Variants in SYCP2L observed in about 807,000 individuals in gnomAD.
SYCP2L encodes synaptonemal complex protein 2 like, also known as synaptonemal complex protein 2-like.
Under a neutral mutation model 125.8 loss-of-function variants are expected in SYCP2L, and 98 were observed. That is an observed-to-expected ratio of 0.78 (90% CI 0.66 to 0.92). The LOEUF is 0.92. Ranked by LOEUF, SYCP2L falls within the 40% of genes least tolerant of loss-of-function variation. SYCP2L has a pLI of 0.00. For missense variants in SYCP2L, 842 were observed against 936.4 expected (o/e 0.90, Z 1.32); for synonymous variants, 317 against 325.4 (o/e 0.97, Z 0.28).
chr6:10,894,271 CTAGTT>C lies in SYCP2L; in HGVS notation c.336+68_336+72del, dbSNP rs1200365552. 7.7e-6 allele frequency: 12 copies of C among 1,553,828 alleles called. No individual in the cohort carries two copies. The African/African-American group carries it at 1.7e-4, about 22-fold the overall frequency. ...AGAGAACTTAGGTGGATTTAGTTGT[CTAGTT>C]AAGTTTGGTATTTTCTGTTCCTTTG... On this transcript the variant is annotated intron_variant, in intron 4 of 29. Coordinates refer to ENST00000283141, the MANE Select transcript of SYCP2L (RefSeq NM_001040274.3).
rs971289648 is a variant in SYCP2L at position 10,912,409 on chromosome 6, A to G, written c.919-264A>G. Among the ~76,000 whole-genome samples the G allele has an allele frequency of 6.6e-6, 1 of 152,182 alleles. No individual in the cohort carries two copies. Among genetic ancestry groups the G allele is most frequent in the Non-Finnish European group, 1.5e-5 (1 of 68,028 alleles). On this transcript the variant is annotated intron_variant, in intron 12 of 29. Transcript: ENST00000283141. The surrounding 1 kb of genome is among the most constrained non-coding windows in gnomAD (Gnocchi z 4.1). ...TTTCATTAGAAAAAAAATTGTGTGGATAGAATAATGTGACACATTTAAATA... is the reference window on the plus strand; with the variant it reads ...TTTCATTAGAAAAAAAATTGTGTGGGTAGAATAATGTGACACATTTAAATA...
intron 23 of SYCP2L, among the ~76,000 whole-genome samples, chr6:10,953,371 C>G (rs780490283): frequency 3.9e-5 from 6 of 152,052 alleles, no homozygotes; most frequent in African/African-American, 1.4e-4. Flanking sequence ...CTTTTCCTTA[C>G]TTCCTGTTCT....
At chr6:10,960,818 G>A (rs1186122802) in intron 26 of SYCP2L, among the ~76,000 whole-genome samples, 1 of 152,168 alleles carries the variant, frequency 6.6e-6, no homozygotes, top group East Asian at 1.9e-4. Context: ...GCTCACGCCT[G>A]TAATCCCAGC....
At chr6:10,934,493 A>G (rs968534445) in intron 20 of SYCP2L, among the ~76,000 whole-genome samples, 5 of 152,252 alleles carry the variant, frequency 3.3e-5, no homozygotes, top group African/African-American at 1.2e-4. Flanking sequence ...AGCCTGGCCA[A>G]CATGGCGAAA....
rs1159178846 is a variant in SYCP2L, at chr6:10,902,994, A to C, written c.641+31A>C. 2.5e-6 allele frequency: 4 copies of C among 1,573,222 alleles called. No individual in the cohort carries two copies. In the East Asian group the frequency reaches 6.7e-5, roughly 26 times the overall value. ...TGACTTTGTATAAGTTACGTGCTGT[A>C]GTAAGGGTAAAATCTCTCATGAGTG... On this transcript the variant is annotated intron_variant, in intron 8 of 29. Coordinates refer to ENST00000283141, the MANE Select transcript of SYCP2L (RefSeq NM_001040274.3).
chr6:10,938,764 C>T (rs912146360), intron 21 of SYCP2L, among the ~76,000 whole-genome samples: 2 of 151,952 alleles, frequency 1.3e-5, no homozygotes, highest in African/African-American at 4.8e-5. Flanking sequence ...TGGGTTTCAA[C>T]AAAACAAAAC....
At chr6:10,906,956 T>C (rs62395410) in intron 9 of SYCP2L, among the ~76,000 whole-genome samples, 56,099 of 151,996 alleles carry the variant, frequency 0.37, 12,632 homozygotes, top group South Asian at 0.48. Flanking sequence ...TTTTAATATA[T>C]TTAAAATATA....
At chr6:10,895,635 G>GT (rs1780246108) in intron 4 of SYCP2L, among the ~76,000 whole-genome samples, 1 of 151,626 alleles carries the variant, frequency 6.6e-6, no homozygotes, top group African/African-American at 2.4e-5. Flanking sequence ...ACAAAAGGGG[G>GT]GGGTACTATG....
intron 21 of SYCP2L, 25 bp downstream of exon 21, chr6:10,935,212 A>G (rs778298014): frequency 2.5e-6 from 4 of 1,603,296 alleles, no homozygotes; most frequent in South Asian, 2.3e-5. Context: ...GTTGACTTAC[A>G]TAGGAAAAAA....
intron 28 of SYCP2L, among the ~76,000 whole-genome samples, chr6:10,962,801 G>T (rs1190618191): frequency 6.6e-6 from 1 of 152,140 alleles, no homozygotes; most frequent in African/African-American, 2.4e-5. Context: ...CTGGATTCTC[G>T]TATCTGTTTC....
rs576450240 is a variant in SYCP2L at position 10,954,644 on chromosome 6, TGAG to T, written c.1955-467_1955-465del. Among the ~76,000 whole-genome samples the T allele has an allele frequency of 7.9e-4, 120 of 152,286 alleles. No homozygotes were observed. Among genetic ancestry groups the T allele is most frequent in the African/African-American group, 2.7e-3 (114 of 41,576 alleles). On this transcript the variant is annotated intron_variant, in intron 23 of 29. Coordinates refer to ENST00000283141, the MANE Select transcript of SYCP2L (RefSeq NM_001040274.3). This position sits in a 1 kb window ranked among gnomAD's most constrained non-coding sequence, Gnocchi z 4.8. ...GAGTCTCTCAAAATCACTTGAGCTG[TGAG>T]GAGGCAAGATGGCCTCGTTTATGAC...
At chr6:10,926,521 TC>T in intron 16 of SYCP2L, 89 bp downstream of exon 16, 1 of 994,408 alleles carries the variant, frequency 1.0e-6, no homozygotes, top group South Asian at 1.4e-5. Context: ...AAACCTGTGG[TC>T]ATATGAGTGA....
At position 10,927,345 on chromosome 6, in the gene SYCP2L, G is replaced by A. The variant is rs1780915212; in HGVS notation, c.1418G>A (p.Gly473Glu). Residue 473 changes from glycine (G) to glutamate (E), a missense_variant, in exon 17 of 30, where the codon GGG becomes GAG. Transcript: ENST00000283141. ...GACCAATCTGAGCCACCTGTTATTGGGGAACCTGCCTCTGATAGTCACGTA... is the reference window on the plus strand; with the variant it reads ...GACCAATCTGAGCCACCTGTTATTGAGGAACCTGCCTCTGATAGTCACGTA... Reference protein sequence around the residue: ...LNDQSEPPVIGEPASDSHLQP... With the variant: ...LNDQSEPPVIEEPASDSHLQP... 3 of 1,613,708 alleles carry A rather than the reference G, an allele frequency of 1.9e-6. No individual in the cohort carries two copies. Among genetic ancestry groups the A allele is most frequent in the Non-Finnish European group, 2.5e-6 (3 of 1,179,946 alleles).
At chr6:10,951,991 A>C (rs1382584085) in intron 23 of SYCP2L, among the ~76,000 whole-genome samples, 1 of 152,184 alleles carries the variant, frequency 6.6e-6, no homozygotes, top group Non-Finnish European at 1.5e-5. Context: ...GAAATGAAGA[A>C]AGCCGGGTTC....
rs765618883 is a variant in SYCP2L, at chr6:10,912,914, T to C, written c.1059T>C (p.Asn353=). 9 of 1,613,782 alleles carry C rather than the reference T, an allele frequency of 5.6e-6. No homozygotes were observed. In the South Asian group the frequency reaches 8.8e-5, roughly 16 times the overall value. ...SVTLPKEAVM[N]FSITETEKIK... is the part of the protein sequence containing the mutation. ...CACTTCCGAAGGAAGCGGTGATGAA[T>C]TTCAGCATAACAGGTAATATGATAC... The change falls in exon 14 of 30, where the codon AAT becomes AAC. Residue 353 remains asparagine (N), a synonymous_variant. Transcript: ENST00000283141. This position sits in a 1 kb window ranked among gnomAD's most constrained non-coding sequence, Gnocchi z 4.1.
intron 29 of SYCP2L, among the ~76,000 whole-genome samples, chr6:10,966,386 G>A (rs753118115): frequency 5.3e-5 from 8 of 152,082 alleles, no homozygotes; most frequent in East Asian, 1.9e-4. Context: ...TAAAATAGTA[G>A]CGATTAGTTA....
At chr6:10,952,373 G>A (rs184137928) in intron 23 of SYCP2L, among the ~76,000 whole-genome samples, 276 of 152,260 alleles carry the variant, frequency 1.8e-3, no homozygotes, top group Non-Finnish European at 2.5e-3. Flanking sequence ...CCATCCAACT[G>A]GATGATCCCT....
At chr6:10,932,644 G>A (rs1284640011) in intron 20 of SYCP2L, among the ~76,000 whole-genome samples, 3 of 152,326 alleles carry the variant, frequency 2.0e-5, no homozygotes, top group African/African-American at 7.2e-5. Context: ...TTTATTCATT[G>A]AATAGTTCAA....
chr6:10,964,100 GGCACCC>G (rs1314925540), intron 29 of SYCP2L, among the ~76,000 whole-genome samples: 1 of 151,908 alleles, frequency 6.6e-6, no homozygotes, highest in Non-Finnish European at 1.5e-5. Context: ...TGGGACTACA[GGCACCC>G]GCCACCACGC....
Sources: gnomAD v4.1 joint callset for allele counts (sites outside exome capture counted in the v4.1 genomes callset) on GRCh38, gnomAD v4.1.1 for gene constraint, Gnocchi (gnomAD v3.1) non-coding constraint, MANE v1.5 for transcripts, NCBI Gene and HGNC (gene_info 2026-07-23, HGNC 2026-07-21) for gene names.